PDILT: variants seen among roughly 807,000 people sequenced by gnomAD.
The protein encoded by PDILT is protein disulfide-isomerase-like protein of the testis.
PDILT carries 43 observed loss-of-function variants against 53.7 expected under a neutral mutation model. The ratio of observed to expected loss-of-function variants is 0.80; its 90% CI spans 0.63 to 1.03. The LOEUF is 1.03. Ranked by LOEUF, PDILT falls within the 50% of genes least tolerant of loss-of-function variation. PDILT has a pLI of 0.00. For missense variants in PDILT, 727 were observed against 712.3 expected (o/e 1.02, Z -0.24); for synonymous variants, 282 against 274.2 (o/e 1.03, Z -0.28).
chr16:20,376,344 C>G, intron 3 of PDILT, 143 bp from the exon 4 acceptor site: 1 of 882,646 alleles, frequency 1.1e-6, no homozygotes, highest in Non-Finnish European at 1.7e-6. Context: ...TTCCTCCATT[C>G]CCCTCTTCCC....
chr16:20,363,504 TA>T (rs1966141804), intron 9 of PDILT, among the ~76,000 whole-genome samples: 1 of 151,822 alleles, frequency 6.6e-6, no homozygotes. Flanking sequence ...TGTGTGTGCA[TA>T]TGTGTTACAG....
Position 20,403,931 on chromosome 16 carries a change from G to A in PDILT, c.-8+565C>T, listed in dbSNP as rs574724854. ...TCTCTGGGTCCTAGCTCGAATCCAC[G>A]CTCATCAGAAGGGTCTTCCCGGGCC... On this transcript the variant is annotated intron_variant, in intron 1 of 11. Transcript: ENST00000302451. 3.4e-3 allele frequency among the ~76,000 whole-genome samples: 523 copies of A among 152,112 alleles called. 2 individuals are homozygous for A. The highest frequency in any genetic ancestry group is 7.1e-3 in the Admixed American group (108 of 15,284).
intron 2 of PDILT, chr16:20,388,798 G>A (rs1171778846): frequency 2.0e-5 from 3 of 152,254 alleles, no homozygotes; most frequent in Non-Finnish European, 1.5e-5. Context: ...TGTAATCCCA[G>A]CTACTTGGGA....
intron 3 of PDILT, among the ~76,000 whole-genome samples, chr16:20,379,119 T>A (rs530002758): frequency 1.9e-3 from 292 of 152,212 alleles, no homozygotes; most frequent in Non-Finnish European, 3.8e-3. Context: ...GCTCAAGCCA[T>A]CCTCCCACCT....
rs754456726 is a variant in PDILT, at chr16:20,372,943, A to C, written c.793-16T>G. 6.2e-7 allele frequency: 1 copy of C among 1,613,990 alleles called. No individual in the cohort carries two copies. The highest frequency in any genetic ancestry group is 8.5e-7 in the Non-Finnish European group (1 of 1,179,870). Reference sequence around the variant, plus strand: ...GATCCTTATTCTGAAATGACCAGGAAAATATGTCATCCCAAGCACACACAG... The same window carrying C: ...GATCCTTATTCTGAAATGACCAGGACAATATGTCATCCCAAGCACACACAG... On this transcript the variant is annotated splice_polypyrimidine_tract_variant and intron_variant, in intron 6 of 11. Transcript: ENST00000302451.
intron 10 of PDILT, among the ~76,000 whole-genome samples, chr16:20,361,210 G>A (rs1222102645): frequency 2.9e-5 from 1 of 34,500 alleles, no homozygotes; most frequent in African/African-American, 1.2e-4. Context: ...TTTTTTATAT[G>A]GAATCTTGCT....
chr16:20,396,602 C>G (rs1020799422), intron 2 of PDILT, among the ~76,000 whole-genome samples: 1 of 152,178 alleles, frequency 6.6e-6, no homozygotes, highest in Non-Finnish European at 1.5e-5. Context: ...GGAGCAGGAA[C>G]CAAGCCAGAG....
intron 8 of PDILT, among the ~76,000 whole-genome samples, chr16:20,367,031 CTT>C (rs1264935184): frequency 9.9e-5 from 1 of 10,084 alleles, no homozygotes; most frequent in African/African-American, 2.9e-4. Flanking sequence ...TTTCTTCTTT[CTT>C]TCTTTCTTTC....
In PDILT at chr16:20,359,376, A is replaced by T; in HGVS notation, c.1698T>A (p.Ala566=). 6.2e-7 allele frequency: 1 copy of T among 1,614,158 alleles called. No individual in the cohort carries two copies. The highest frequency in any genetic ancestry group is 1.3e-5 in the African/African-American group (1 of 75,036). ...KTSEEVVVVV[A]KPKGPPVQKK... ...TTTGCACTGGAGGTCCCTTTGGCTT[A>T]GCCACCACCACCACCACCTCCTCAG... Residue 566 remains alanine, a synonymous_variant, in exon 12 of 12, where the codon GCT becomes GCA. Transcript: ENST00000302451.
At chr16:20,383,449 C>T (rs1596591136) in intron 3 of PDILT, among the ~76,000 whole-genome samples, 1 of 149,620 alleles carries the variant, frequency 6.7e-6, no homozygotes, top group East Asian at 2.0e-4. Context: ...CGCCCTCCCT[C>T]CCCATCTCTT....
rs116199723 is a variant in PDILT at position 20,383,884 on chromosome 16, T to A, written c.409+761A>T. ...CTTTCTAAAAGTTGGGACTACCATA[T>A]GTGCCATACTAGTACCTTATTCTCC... On this transcript the variant is annotated intron_variant, in intron 3 of 11. Coordinates refer to ENST00000302451, the MANE Select transcript of PDILT (RefSeq NM_174924.2). Among the ~76,000 whole-genome samples the A allele has an allele frequency of 2.4e-3, 360 of 152,348 alleles. 2 individuals carry two copies. The highest frequency in any genetic ancestry group is 8.3e-3 in the African/African-American group (345 of 41,574).
intron 2 of PDILT, among the ~76,000 whole-genome samples, chr16:20,386,325 C>T (rs1966537254): frequency 6.6e-6 from 1 of 152,182 alleles, no homozygotes; most frequent in South Asian, 2.1e-4. Flanking sequence ...CTCGCTACCC[C>T]ATGACTGAGG....
intron 7 of PDILT, among the ~76,000 whole-genome samples, chr16:20,371,299 A>G (rs1966303126): frequency 6.6e-6 from 1 of 152,170 alleles, no homozygotes; most frequent in Admixed American, 6.5e-5. Context: ...AATTTTGAGA[A>G]GGTCATTCTG....
At chr16:20,402,440 A>G (rs1394047619) in intron 1 of PDILT, among the ~76,000 whole-genome samples, 2 of 152,176 alleles carry the variant, frequency 1.3e-5, no homozygotes, top group Non-Finnish European at 2.9e-5. Flanking sequence ...CTGGGATTAT[A>G]GGCGCGTGCC....
chr16:20,371,416 C>T (rs775574715), intron 7 of PDILT, among the ~76,000 whole-genome samples: 2 of 152,192 alleles, frequency 1.3e-5, no homozygotes, highest in Non-Finnish European at 2.9e-5. Context: ...AGATTAAAGG[C>T]CTCACTGTGT....
intron 2 of PDILT, among the ~76,000 whole-genome samples, chr16:20,389,952 G>A (rs1022474940): frequency 3.7e-4 from 56 of 152,100 alleles, no homozygotes; most frequent in African/African-American, 1.3e-3. Context: ...GCATTTAGTG[G>A]GTAGAGGCCA....
chr16:20,362,658 C>A, intron 9 of PDILT, 76 bp from the exon 10 acceptor site: 1 of 1,422,162 alleles, frequency 7.0e-7, no homozygotes, highest in Non-Finnish European at 9.7e-7. Flanking sequence ...CACATGGCAT[C>A]GCTGTGTTCC....
At chr16:20,387,631 T>G (rs140535724) in intron 2 of PDILT, among the ~76,000 whole-genome samples, 16 of 148,938 alleles carry the variant, frequency 1.1e-4, no homozygotes, top group Middle Eastern at 3.5e-3. Context: ...TTCTTTTTTC[T>G]TTTTTTTTTA....
rs761136706 is a variant in PDILT, at chr16:20,362,609, C to G, written c.1238-27G>C. 3.1e-6 allele frequency: 5 copies of G among 1,610,834 alleles called. No homozygotes were observed. In the South Asian group the frequency reaches 5.5e-5, roughly 18 times the overall value. On this transcript the variant is annotated intron_variant, in intron 9 of 11. Transcript: ENST00000302451. ...TGGAAGAGAAGGTCCATGGCTCAGG[C>G]TCACATTGATGAAGATCCAGAAAGC...
Sources: gnomAD v4.1 joint callset for allele counts (sites outside exome capture counted in the v4.1 genomes callset) on GRCh38, gnomAD v4.1.1 for gene constraint, MANE v1.5 for transcripts, NCBI Gene and HGNC (gene_info 2026-07-23, HGNC 2026-07-21) for gene names.